Variants in RAD54L2 observed in about 807,000 individuals in gnomAD.
RAD54L2 encodes the protein RAD54 like 2, also known as helicase ARIP4.
In RAD54L2, 27 loss-of-function variants were observed where a neutral mutation model predicts 138.4. That is an observed-to-expected ratio of 0.20 (90% confidence interval 0.14 to 0.27). RAD54L2 has a LOEUF of 0.27. Among genes scored for constraint, RAD54L2 ranks in the 10% least tolerant of loss-of-function variants. The probability of loss-of-function intolerance (pLI) is 1.00; values close to 1 mark genes in which losing one functional copy is unlikely to be tolerated. For synonymous variants in RAD54L2, 644 were observed against 723.2 expected (o/e 0.89, Z 1.76); for missense variants, 1,396 against 1,890.2 (o/e 0.74, Z 4.85).
chr3:51,610,639 CA>C (rs538225499), intron 3 of RAD54L2, among the ~76,000 whole-genome samples: 629 of 59,082 alleles, frequency 0.011, 2 homozygotes, highest in African/African-American at 0.029. Context: ...GACTCCATCT[CA>C]AAAAAAAAAA....
At chr3:51,594,369 G>A (rs1480398743) in intron 3 of RAD54L2, among the ~76,000 whole-genome samples, 1 of 152,016 alleles carries the variant, frequency 6.6e-6, no homozygotes, top group Non-Finnish European at 1.5e-5. Context: ...CACTGTGCCC[G>A]GCCCATACTT....
intron 3 of RAD54L2, among the ~76,000 whole-genome samples, chr3:51,593,343 G>GT (rs1699880526): frequency 2.2e-5 from 3 of 133,550 alleles, no homozygotes; most frequent in South Asian, 2.5e-4. Flanking sequence ...TTTTTTTTAT[G>GT]TTTTTTTGAG....
chr3:51,586,005 T>C (rs1699699222), intron 2 of RAD54L2, among the ~76,000 whole-genome samples: 1 of 152,106 alleles, frequency 6.6e-6, no homozygotes, highest in South Asian at 2.1e-4. Flanking sequence ...TTATTTTCTT[T>C]ATCACCACCC....
chr3:51,643,461 A>G (rs1196685265), intron 15 of RAD54L2, among the ~76,000 whole-genome samples: 2 of 152,216 alleles, frequency 1.3e-5, no homozygotes, highest in African/African-American at 2.4e-5. Context: ...CTGGTTAAAA[A>G]TGCAGATTCC....
intron 2 of RAD54L2, among the ~76,000 whole-genome samples, chr3:51,586,566 A>G (rs923389184): frequency 2.8e-5 from 4 of 140,678 alleles, no homozygotes; most frequent in Non-Finnish European, 4.7e-5. Context: ...CAAAGAAAAC[A>G]CTTTTTTTTT....
rs181264435 is a variant in RAD54L2 at position 51,547,896 on chromosome 3, T to A, written c.-55+6246T>A. Among the ~76,000 whole-genome samples, 3 of 152,246 alleles carry A rather than the reference T, an allele frequency of 2.0e-5. No homozygotes were observed. In the East Asian group the frequency reaches 5.8e-4, roughly 29 times the overall value. ...CTATAAAATACTTTCTTTCTTTCTT[T>A]TTTTTTGTTTTTGAGATGGAGTTTT... is the stretch of plus-strand genomic sequence containing the variant. On this transcript the variant is annotated intron_variant, in intron 2 of 22. Coordinates refer to ENST00000684192, the MANE Select transcript of RAD54L2 (RefSeq NM_015106.4).
intron 3 of RAD54L2, among the ~76,000 whole-genome samples, chr3:51,621,688 T>C (rs537450892): frequency 6.6e-6 from 1 of 152,312 alleles, no homozygotes; most frequent in South Asian, 2.1e-4. Flanking sequence ...TGCCTCCAAC[T>C]GTTCCTCCAA....
chr3:51,618,900 T>C (rs1201711648), intron 3 of RAD54L2, among the ~76,000 whole-genome samples: 2 of 152,206 alleles, frequency 1.3e-5, no homozygotes, highest in East Asian at 3.8e-4. Context: ...TTTCTTTCCC[T>C]TGAATGTGGG....
intron 3 of RAD54L2, among the ~76,000 whole-genome samples, chr3:51,597,739 G>A (rs1699994751): frequency 6.6e-6 from 1 of 151,956 alleles, no homozygotes; most frequent in African/African-American, 2.4e-5. Context: ...GAAGAACGAG[G>A]ATCGCTTGAA....
At chr3:51,631,847 C>T (rs888883990) in intron 7 of RAD54L2, among the ~76,000 whole-genome samples, 20 of 151,632 alleles carry the variant, frequency 1.3e-4, no homozygotes, top group African/African-American at 3.9e-4. Context: ...TTGCCTAGTC[C>T]GGTTTTGAAG....
Position 51,634,054 on chromosome 3 carries a change from C to A in RAD54L2, c.1142+19C>A, listed in dbSNP as rs1387657699. 1.9e-6 allele frequency: 3 copies of A among 1,609,216 alleles called. No homozygotes were observed. The highest frequency in any genetic ancestry group is 2.5e-6 in the Non-Finnish European group (3 of 1,178,016). On this transcript the variant is annotated intron_variant, in intron 9 of 22. Transcript: ENST00000684192. ...AGCACAAGTAGGTGGCCTGCCCTTT[C>A]CTCTCTGCCCCTTTCCTTTTAGACT...
At chr3:51,591,228 A>G (rs1490811411) in intron 3 of RAD54L2, among the ~76,000 whole-genome samples, 1 of 152,144 alleles carries the variant, frequency 6.6e-6, no homozygotes, top group African/African-American at 2.4e-5. Flanking sequence ...TTTAATGTTC[A>G]GTCTAATGTT....
chr3:51,620,469 T>C (rs997733168), intron 3 of RAD54L2, among the ~76,000 whole-genome samples: 1 of 149,890 alleles, frequency 6.7e-6, no homozygotes, highest in South Asian at 2.1e-4. Flanking sequence ...GGGTTTGTTA[T>C]ATAGGTAAAT....
chr3:51,567,362 C>T (rs904370360), intron 2 of RAD54L2, among the ~76,000 whole-genome samples: 4 of 152,190 alleles, frequency 2.6e-5, no homozygotes, highest in East Asian at 1.9e-4. Context: ...TTGTCCAACT[C>T]GTTAGATGTA....
At chr3:51,612,613 G>A (rs1190182753) in intron 3 of RAD54L2, among the ~76,000 whole-genome samples, 1 of 148,558 alleles carries the variant, frequency 6.7e-6, no homozygotes, top group African/African-American at 2.5e-5. Context: ...CTAATCCTTT[G>A]TTACTTATAT....
chr3:51,620,354 C>G (rs1700543098), intron 3 of RAD54L2, among the ~76,000 whole-genome samples: 2 of 149,680 alleles, frequency 1.3e-5, no homozygotes, highest in African/African-American at 4.9e-5. Context: ...CCACCTTAGC[C>G]TCCCAGAATG....
At chr3:51,572,215 G>A (rs1285599501) in intron 2 of RAD54L2, among the ~76,000 whole-genome samples, 2 of 152,120 alleles carry the variant, frequency 1.3e-5, no homozygotes, top group Non-Finnish European at 2.9e-5. Flanking sequence ...TTGGGAGGCC[G>A]AGGTGGGTGG....
chr3:51,581,652 C>A (rs1699610498), intron 2 of RAD54L2, among the ~76,000 whole-genome samples: 3 of 152,208 alleles, frequency 2.0e-5, no homozygotes. Context: ...ATAGAGCTCT[C>A]AGGAGAGGGA....
At position 51,662,468 on chromosome 3, in the gene RAD54L2, A is replaced by G. The variant is rs775638227; in HGVS notation, c.3452A>G (p.His1151Arg). ...PSCESTSNGR[H>R]SASSPKAPDP... is the part of the protein sequence containing the mutation. Reference sequence around the variant, plus strand: ...TGCGAGTCCACAAGCAACGGCAGACACAGTGCCTCATCACCCAAAGCCCCC... The same window carrying G: ...TGCGAGTCCACAAGCAACGGCAGACGCAGTGCCTCATCACCCAAAGCCCCC... The change falls in exon 23 of 23, where the codon CAC becomes CGC. Residue 1151 changes from histidine (H) to arginine (R), a missense_variant. Around this residue, in one of 7 missense-constraint regions of RAD54L2, gnomAD observed 634 missense variants for 711.2 expected, o/e 0.89. Transcript: ENST00000684192. This position sits in a 1 kb window ranked among gnomAD's most constrained non-coding sequence, Gnocchi z 4.6. 1 of 1,573,484 alleles carries G rather than the reference A, an allele frequency of 6.4e-7. No homozygotes were observed. The highest frequency in any genetic ancestry group is 8.6e-7 in the Non-Finnish European group (1 of 1,160,886).
Sources: gnomAD v4.1 joint callset for allele counts (sites outside exome capture counted in the v4.1 genomes callset) on GRCh38, gnomAD v4.1.1 for gene constraint, gnomAD v4.1.1 regional missense constraint, Gnocchi (gnomAD v3.1) non-coding constraint, MANE v1.5 for transcripts, NCBI Gene and HGNC (gene_info 2026-07-23, HGNC 2026-07-21) for gene names.